NRG1: variants seen among roughly 807,000 people sequenced by gnomAD.
The protein encoded by NRG1 is neuregulin 1.
NRG1 carries 18 observed loss-of-function variants against 63.8 expected under a neutral mutation model. That is an observed-to-expected ratio of 0.28 (90% CI 0.19 to 0.42). NRG1 has a LOEUF of 0.42. Ranked by LOEUF, NRG1 falls within the 10% of genes least tolerant of loss-of-function variation. NRG1 has a pLI of 1.00. For missense variants in NRG1, 762 were observed against 814.7 expected (o/e 0.94, Z 0.79); for synonymous variants, 302 against 301.3 (o/e 1.00, Z -0.02).
At chr8:32,550,443 A>G (rs950670223) in intron 1 of NRG1, among the ~76,000 whole-genome samples, 2 of 152,068 alleles carry the variant, frequency 1.3e-5, no homozygotes, top group Non-Finnish European at 2.9e-5. Flanking sequence ...GGCTCTTATC[A>G]CTGTTTGTGG....
chr8:31,913,158 T>C (rs1183821674), intron 1 of NRG1, among the ~76,000 whole-genome samples: 1 of 152,186 alleles, frequency 6.6e-6, no homozygotes, highest in African/African-American at 2.4e-5. Context: ...ATAGGTCCAT[T>C]ATTTCAATAT....
At chr8:32,339,639 CT>C (rs1803794251) in intron 1 of NRG1, among the ~76,000 whole-genome samples, 1 of 152,142 alleles carries the variant, frequency 6.6e-6, no homozygotes, top group Non-Finnish European at 1.5e-5. Flanking sequence ...CATGCTTTAT[CT>C]AATTTAATCT....
intron 1 of NRG1, among the ~76,000 whole-genome samples, chr8:31,647,734 G>A (rs1463663158): frequency 1.3e-5 from 2 of 152,136 alleles, no homozygotes; most frequent in Admixed American, 6.5e-5. Flanking sequence ...TTGCAAGCCC[G>A]GACACCTCCG....
At chr8:32,042,527 A>G (rs1168241718) in intron 1 of NRG1, among the ~76,000 whole-genome samples, 1 of 152,150 alleles carries the variant, frequency 6.6e-6, no homozygotes. Context: ...CAGCATATGA[A>G]GAACTAGGAA....
chr8:32,238,102 C>T (rs371589747), intron 1 of NRG1, among the ~76,000 whole-genome samples: 19 of 152,022 alleles, frequency 1.2e-4, no homozygotes, highest in Admixed American at 2.6e-4. Flanking sequence ...CTATCTGATT[C>T]GGTGTGTAGT....
At chr8:32,057,629 A>C (rs578064392) in intron 1 of NRG1, among the ~76,000 whole-genome samples, 1 of 152,134 alleles carries the variant, frequency 6.6e-6, no homozygotes, top group East Asian at 1.9e-4. Flanking sequence ...ACTTCAAGAG[A>C]CTGGTTTAAT....
intron 1 of NRG1, among the ~76,000 whole-genome samples, chr8:31,867,269 A>G (rs1164383639): frequency 6.6e-6 from 1 of 152,180 alleles, no homozygotes; most frequent in Admixed American, 6.6e-5. Flanking sequence ...CTTTCCTATT[A>G]ACCTTGGGGA....
chr8:31,867,733 G>T (rs751420867), intron 1 of NRG1, among the ~76,000 whole-genome samples: 4 of 152,078 alleles, frequency 2.6e-5, no homozygotes, highest in African/African-American at 9.7e-5. Context: ...TTCTTTTGGG[G>T]AAACACTGTT....
At chr8:32,029,016 G>A (rs1817877918) in intron 1 of NRG1, among the ~76,000 whole-genome samples, 1 of 152,032 alleles carries the variant, frequency 6.6e-6, no homozygotes, top group Admixed American at 6.6e-5. Flanking sequence ...TCATCTCTAT[G>A]GGTAGTCATT....
At chr8:32,066,454 C>G (rs1586851986) in intron 1 of NRG1, among the ~76,000 whole-genome samples, 1 of 152,268 alleles carries the variant, frequency 6.6e-6, no homozygotes, top group East Asian at 1.9e-4. Context: ...ATCCTTTCCC[C>G]ATTTTCTTGT....
chr8:32,542,095 C>A (rs972546962), intron 1 of NRG1, among the ~76,000 whole-genome samples: 1 of 152,172 alleles, frequency 6.6e-6, no homozygotes, highest in Non-Finnish European at 1.5e-5. Flanking sequence ...ATTTTATAGG[C>A]TCCTCTGACA....
chr8:32,446,999 T>TTTTATTTATTTA (rs67102016), intron 1 of NRG1, among the ~76,000 whole-genome samples: 104,963 of 146,186 alleles, frequency 0.72, 38,128 homozygotes, highest in East Asian at 0.86. Flanking sequence ...CTAAAATACT[T>TTTTATTTATTTA]TTTATTTATT....
intron 1 of NRG1, among the ~76,000 whole-genome samples, chr8:31,887,708 C>T (rs535147114): frequency 7.9e-5 from 12 of 152,004 alleles, no homozygotes; most frequent in African/African-American, 2.7e-4. Context: ...GGAAAGATGG[C>T]TGTAAGGATC....
At chr8:32,398,775 G>A (rs529374425) in intron 1 of NRG1, among the ~76,000 whole-genome samples, 1 of 152,108 alleles carries the variant, frequency 6.6e-6, no homozygotes, top group South Asian at 2.1e-4. Flanking sequence ...AGTTGGCCTG[G>A]GTGGTGCAAG....
At chr8:32,159,163 T>C (rs1585727843) in intron 1 of NRG1, among the ~76,000 whole-genome samples, 1 of 152,224 alleles carries the variant, frequency 6.6e-6, no homozygotes, top group African/African-American at 2.4e-5. Flanking sequence ...ACAAAACCAG[T>C]AGCTTAGCCA....
intron 1 of NRG1, among the ~76,000 whole-genome samples, chr8:31,999,557 T>C (rs1411284512): frequency 6.6e-6 from 1 of 151,994 alleles, no homozygotes; most frequent in African/African-American, 2.4e-5. Flanking sequence ...GTGGCCTGTA[T>C]GTTTGACTTC....
chr8:32,429,965 A>G (rs1051032392), intron 1 of NRG1, among the ~76,000 whole-genome samples: 1 of 152,214 alleles, frequency 6.6e-6, no homozygotes, highest in African/African-American at 2.4e-5. Flanking sequence ...TTGTAGTTCA[A>G]AAAGGTTAAA....
At chr8:32,510,930 G>C (rs1471660300) in intron 1 of NRG1, among the ~76,000 whole-genome samples, 1 of 149,038 alleles carries the variant, frequency 6.7e-6, no homozygotes, top group Non-Finnish European at 1.5e-5. Context: ...TATTCTGTTG[G>C]AATCTTCCTT....
chr8:32,724,998 G>T (rs1293536772), intron 5 of NRG1, among the ~76,000 whole-genome samples: 3 of 152,116 alleles, frequency 2.0e-5, no homozygotes, highest in African/African-American at 7.2e-5. Flanking sequence ...TAAAAAGAGG[G>T]TTGTTTCTAG....
Sources: allele counts gnomAD v4.1 joint callset (sites outside exome capture counted in the v4.1 genomes callset), GRCh38; gene constraint gnomAD v4.1.1; transcripts MANE v1.5; gene names NCBI Gene and HGNC (gene_info 2026-07-23, HGNC 2026-07-21).